Variants in DEF6 observed in about 807,000 individuals in gnomAD.
The protein encoded by DEF6 is DEF6 guanine nucleotide exchange factor, also known as differentially expressed in FDCP 6 homolog.
A neutral mutation model predicts 80.5 loss-of-function variants in DEF6; 32 were observed. That is an observed-to-expected ratio of 0.40 (90% CI 0.30 to 0.53). The LOEUF (loss-of-function observed/expected upper bound fraction) is 0.53. Among genes scored for constraint, DEF6 ranks in the 20% least tolerant of loss-of-function variants. DEF6 has a pLI of 0.57. For synonymous variants in DEF6, 300 were observed against 337.9 expected (o/e 0.89, Z 1.23); for missense variants, 575 against 818.7 (o/e 0.70, Z 3.63).
intron 9 of DEF6, among the ~76,000 whole-genome samples, 186 bp from the exon 10 acceptor site, chr6:35,320,698 C>T (rs1388647239): frequency 2.0e-5 from 3 of 152,020 alleles, no homozygotes; most frequent in African/African-American, 7.2e-5. Flanking sequence ...TCCATGAGTC[C>T]CATGAAATTG....
chr6:35,302,143 C>G (rs1325514510), intron 1 of DEF6, among the ~76,000 whole-genome samples: 1 of 152,106 alleles, frequency 6.6e-6, no homozygotes, highest in Non-Finnish European at 1.5e-5. Flanking sequence ...AAGAGAATCA[C>G]TTGAGTCCAG....
In DEF6 at chr6:35,318,963, A is replaced by G. The variant is rs1390069234; in HGVS notation, c.1215+492A>G. 6.6e-6 allele frequency among the ~76,000 whole-genome samples: 1 copy of G among 152,140 alleles called. No homozygotes were observed. Among genetic ancestry groups the G allele is most frequent in the African/African-American group, 2.4e-5 (1 of 41,416 alleles). On this transcript the variant is annotated intron_variant, in intron 7 of 10. Transcript: ENST00000316637. The surrounding 1 kb of genome is among the most constrained non-coding windows in gnomAD (Gnocchi z 5.1). ...CTGGAGTCAGAAACACGTAGATTCA[A>G]TCCTAGCTCTGCTTCTTACGAGCCC...
At chr6:35,320,507 T>A (rs1037502824) in intron 9 of DEF6, among the ~76,000 whole-genome samples, 38 of 152,106 alleles carry the variant, frequency 2.5e-4, no homozygotes, top group African/African-American at 9.2e-4. Context: ...GCTGGAAAGG[T>A]GGTGTAGTGC....
At position 35,310,590 on chromosome 6, in the gene DEF6, C is replaced by T; in HGVS notation, c.369C>T (p.Cys123=). The part of the protein sequence containing the change: ...LSNQDAFRLW[C]LFNFLSEDKY... The stretch of plus-strand genomic sequence containing the variant: ...ATCAGGATGCCTTCCGCCTCTGGTG[C>T]CTCTTCAACTTCCTGTCTGAGGACA... The change falls in exon 3 of 11, where the codon TGC becomes TGT. Residue 123 remains cysteine (C), a synonymous_variant. Coordinates refer to ENST00000316637, the MANE Select transcript of DEF6 (RefSeq NM_022047.4). The T allele has an allele frequency of 6.2e-7, 1 of 1,614,154 alleles. No homozygotes were observed. Among genetic ancestry groups the T allele is most frequent in the Non-Finnish European group, 8.5e-7 (1 of 1,180,040 alleles).
At position 35,318,262 on chromosome 6, in the gene DEF6, C is replaced by G; in HGVS notation, c.1006C>G (p.Arg336Gly). ...GAAACGGCGCGAGCAGCGGGAGCAG[C>G]GGGAGCGGCGCCGGGCGGCCAAGGA... The part of the protein sequence containing the change: ...KQKRREQREQ[R>G]ERRRAAKEEE... The change falls in exon 7 of 11, where the codon CGG becomes GGG. Residue 336 changes from arginine to glycine, a missense_variant. Physicochemically the swap from Arg to Gly is moderately radical, Grantham distance 125. Coordinates refer to ENST00000316637, the MANE Select transcript of DEF6 (RefSeq NM_022047.4). The surrounding 1 kb of genome is among the most constrained non-coding windows in gnomAD (Gnocchi z 5.1). 1 of 1,580,838 alleles carries G rather than the reference C, an allele frequency of 6.3e-7. No individual in the cohort carries two copies. The highest frequency in any genetic ancestry group is 8.6e-7 in the Non-Finnish European group (1 of 1,165,156).
At position 35,318,096 on chromosome 6, in the gene DEF6, G is replaced by A; in HGVS notation, c.917-77G>A. ...ACTTTGTCCAGCGGGAGGTTGGAGAGTGGACTCGGGAAACTCCTAAGGCCC... is the reference window on the plus strand; with the variant it reads ...ACTTTGTCCAGCGGGAGGTTGGAGAATGGACTCGGGAAACTCCTAAGGCCC... On this transcript the variant is annotated intron_variant, in intron 6 of 10. Transcript: ENST00000316637. The surrounding 1 kb of genome is among the most constrained non-coding windows in gnomAD (Gnocchi z 5.1). 11 of 1,539,920 alleles carry A rather than the reference G, an allele frequency of 7.1e-6. No homozygotes were observed. Among genetic ancestry groups the A allele is most frequent in the Non-Finnish European group, 9.6e-6 (11 of 1,142,808 alleles).
chr6:35,312,909 C>T lies in DEF6; in HGVS notation c.807+137C>T, dbSNP rs985967803. On this transcript the variant is annotated intron_variant, in intron 5 of 10. Coordinates refer to ENST00000316637, the MANE Select transcript of DEF6 (RefSeq NM_022047.4). This position sits in a 1 kb window ranked among gnomAD's most constrained non-coding sequence, Gnocchi z 6.6. ...AAATTCCTGCTTAGATTAGTGTGACCCAAATATATCCGGATGCCTCAAGGC... is the reference window on the plus strand; with the variant it reads ...AAATTCCTGCTTAGATTAGTGTGACTCAAATATATCCGGATGCCTCAAGGC... 18 of 1,038,680 alleles carry T rather than the reference C, an allele frequency of 1.7e-5. No homozygotes were observed. The highest frequency in any genetic ancestry group is 2.2e-5 in the Non-Finnish European group (16 of 724,960). 64.3% of individuals were successfully genotyped at this position (1,038,680 alleles called of 1,614,324 possible).
chr6:35,298,081 C>T (rs1402985369), intron 1 of DEF6, 129 bp downstream of exon 1: 4 of 839,508 alleles, frequency 4.8e-6, no homozygotes, highest in African/African-American at 1.7e-5. Flanking sequence ...GGCCTGGGGT[C>T]GGGGGGCTGG....
At chr6:35,301,245 G>A (rs1791309237) in intron 1 of DEF6, among the ~76,000 whole-genome samples, 1 of 152,300 alleles carries the variant, frequency 6.6e-6, no homozygotes, top group Middle Eastern at 3.4e-3. Context: ...CTGCTGGCTG[G>A]CTAGGATCAT....
chr6:35,311,930 G>T (rs916273994), intron 3 of DEF6, among the ~76,000 whole-genome samples: 5 of 152,166 alleles, frequency 3.3e-5, no homozygotes, highest in African/African-American at 9.7e-5. Context: ...TTCCCCCTTT[G>T]GGCTTTTTTT....
In DEF6 at chr6:35,311,010, A is replaced by G. The variant is rs1791459078; in HGVS notation, c.423+366A>G. ...TCCTTTACCTTTTGCCACTTCTTCC[A>G]GGACAGGAAGGATGCTTTACAAGGC... On this transcript the variant is annotated intron_variant, in intron 3 of 10. Coordinates refer to ENST00000316637, the MANE Select transcript of DEF6 (RefSeq NM_022047.4). 2.0e-5 allele frequency among the ~76,000 whole-genome samples: 3 copies of G among 152,162 alleles called. No homozygotes were observed. In the South Asian group the frequency reaches 6.2e-4, roughly 32 times the overall value.
intron 1 of DEF6, among the ~76,000 whole-genome samples, chr6:35,298,775 T>C (rs916866990): frequency 2.0e-5 from 3 of 152,122 alleles, no homozygotes; most frequent in African/African-American, 7.2e-5. Flanking sequence ...CAGCGAACAC[T>C]GGGGGAAAGG....
chr6:35,307,730 A>G (rs879016438), intron 1 of DEF6, among the ~76,000 whole-genome samples: 17 of 152,224 alleles, frequency 1.1e-4, no homozygotes, highest in Admixed American at 1.0e-3. Context: ...TGAGGGAAAA[A>G]AAGGAAATAC....
rs1318424162 is a variant in DEF6, at chr6:35,321,426, T to A, written c.*16T>A. 2 of 1,604,140 alleles carry A rather than the reference T, an allele frequency of 1.2e-6. No individual in the cohort carries two copies. Among genetic ancestry groups the A allele is most frequent in the Non-Finnish European group, 1.7e-6 (2 of 1,172,016 alleles). Reference sequence around the variant, plus strand: ...AGAAAATTAGCCTCTCTTAGCCCCTTGTTCTTCCCAATGTCATATCCACCA... The same window carrying A: ...AGAAAATTAGCCTCTCTTAGCCCCTAGTTCTTCCCAATGTCATATCCACCA... On this transcript the variant is annotated 3_prime_UTR_variant, in exon 11 of 11. Transcript: ENST00000316637.
chr6:35,306,195 A>C (rs1226852862), intron 1 of DEF6, among the ~76,000 whole-genome samples: 1 of 147,220 alleles, frequency 6.8e-6, no homozygotes, highest in Admixed American at 6.8e-5. Context: ...CACCCGGCCC[A>C]AAAAAATTTT....
intron 1 of DEF6, among the ~76,000 whole-genome samples, chr6:35,306,884 A>G (rs1791399037): frequency 6.6e-6 from 1 of 152,190 alleles, no homozygotes; most frequent in Admixed American, 6.5e-5. Context: ...CATTATCCTC[A>G]CAGAGGAGGA....
Position 35,312,833 on chromosome 6 carries a change from G to C in DEF6, c.807+61G>C. ...GCCCAGAGTGTCCTCAGGGGCATGA[G>C]AAGACAAGGGGGTCAGGAGAGGGGC... On this transcript the variant is annotated intron_variant, in intron 5 of 10. Coordinates refer to ENST00000316637, the MANE Select transcript of DEF6 (RefSeq NM_022047.4). This position sits in a 1 kb window ranked among gnomAD's most constrained non-coding sequence, Gnocchi z 6.6. 6.6e-7 allele frequency: 1 copy of C among 1,520,902 alleles called. No individual in the cohort carries two copies. Among genetic ancestry groups the C allele is most frequent in the Non-Finnish European group, 8.9e-7 (1 of 1,118,230 alleles). The allele number at this position is 1,520,902 out of a possible 1,614,324, so 94.2% of individuals were successfully genotyped here. A position where few individuals can be genotyped will look rare whatever the true frequency, so the allele number is the denominator to read the frequency against.
Position 35,318,065 on chromosome 6 carries a change from GATA to G in DEF6, c.916+70_916+72del. 1 of 1,561,692 alleles carries G rather than the reference GATA, an allele frequency of 6.4e-7. No homozygotes were observed. The highest frequency in any genetic ancestry group is 8.7e-7 in the Non-Finnish European group (1 of 1,152,408). ...GGCGCCTCATCTGTGAAAAGGGGGTGATAATACTTTGTCCAGCGGGAGGTTGGA... is the reference window on the plus strand; with the variant it reads ...GGCGCCTCATCTGTGAAAAGGGGGTGATACTTTGTCCAGCGGGAGGTTGGA... On this transcript the variant is annotated intron_variant, in intron 6 of 10. Coordinates refer to ENST00000316637, the MANE Select transcript of DEF6 (RefSeq NM_022047.4). The surrounding 1 kb of genome is among the most constrained non-coding windows in gnomAD (Gnocchi z 5.1).
intron 2 of DEF6, among the ~76,000 whole-genome samples, chr6:35,310,218 C>G (rs1791445460): frequency 6.6e-6 from 1 of 152,154 alleles, no homozygotes; most frequent in African/African-American, 2.4e-5. Context: ...GTCCTCTGGG[C>G]TGAAAGACTA....
Sources: gnomAD v4.1 joint callset for allele counts (sites outside exome capture counted in the v4.1 genomes callset) on GRCh38, gnomAD v4.1.1 for gene constraint, Gnocchi (gnomAD v3.1) non-coding constraint, MANE v1.5 for transcripts, NCBI Gene and HGNC (gene_info 2026-07-23, HGNC 2026-07-21) for gene names.